SCN8A: variants seen among roughly 807,000 people sequenced by gnomAD.
SCN8A encodes sodium channel protein type 8 subunit alpha.
In SCN8A, 30 loss-of-function variants were observed where a neutral mutation model predicts 184.1. The observed-to-expected ratio is 0.16, with a 90% CI of 0.12 to 0.22. SCN8A has a LOEUF of 0.22. SCN8A is among the 10% of genes least tolerant of loss of function. SCN8A has a pLI of 1.00. For missense variants in SCN8A, 1,057 were observed against 2,498.9 expected (o/e 0.42, Z 12.30); for synonymous variants, 852 against 907.0 (o/e 0.94, Z 1.09).
intron 11 of SCN8A, among the ~76,000 whole-genome samples, chr12:51,720,319 G>T (rs1942032596): frequency 1.3e-5 from 2 of 150,682 alleles, no homozygotes; most frequent in Non-Finnish European, 2.9e-5. Context: ...CATGGATGAG[G>T]CTGGAAACCA....
At chr12:51,738,361 T>C (rs576261734) in intron 12 of SCN8A, among the ~76,000 whole-genome samples, 1 of 152,280 alleles carries the variant, frequency 6.6e-6, no homozygotes, top group South Asian at 2.1e-4. Context: ...ATAACTACTT[T>C]GATATACTTC....
chr12:51,627,948 T>C (rs1940116115), intron 1 of SCN8A, among the ~76,000 whole-genome samples: 1 of 152,166 alleles, frequency 6.6e-6, no homozygotes, highest in East Asian at 1.9e-4. Flanking sequence ...ACTTGTTGAA[T>C]GTGTAGAACA....
intron 2 of SCN8A, among the ~76,000 whole-genome samples, chr12:51,681,579 T>C (rs573989920): frequency 7.9e-5 from 12 of 152,196 alleles, no homozygotes; most frequent in Non-Finnish European, 1.6e-4. Flanking sequence ...CTCGATATGT[T>C]TCAGATGAAC....
At chr12:51,646,009 TAAAAA>T (rs11307011) in intron 1 of SCN8A, among the ~76,000 whole-genome samples, 8 of 123,422 alleles carry the variant, frequency 6.5e-5, no homozygotes, top group African/African-American at 2.1e-4. Flanking sequence ...AAGATAAAAG[TAAAAA>T]AAAAAAAAAA....
Position 51,806,202 on chromosome 12 carries a change from C to T in SCN8A, c.4796-80C>T. On this transcript the variant is annotated intron_variant, in intron 26 of 26. Transcript: ENST00000627620. The surrounding 1 kb of genome is among the most constrained non-coding windows in gnomAD (Gnocchi z 8.7). ...GCAAAGCCCTTTGAACCTAAGGGTT[C>T]CACAATGCCAGGTAAAAAAAATAAA... is the stretch of plus-strand genomic sequence containing the variant. 7.5e-7 allele frequency: 1 copy of T among 1,331,190 alleles called. No homozygotes were observed. Among genetic ancestry groups the T allele is most frequent in the Non-Finnish European group, 1.0e-6 (1 of 980,862 alleles). The allele number at this position is 1,331,190 out of a possible 1,614,324, so 82.5% of individuals were successfully genotyped here.
intron 1 of SCN8A, among the ~76,000 whole-genome samples, chr12:51,615,386 C>A (rs1364307245): frequency 6.6e-6 from 1 of 152,100 alleles, no homozygotes; most frequent in East Asian, 1.9e-4. Context: ...AAAACCCTAT[C>A]CCTACAAAAA....
intron 25 of SCN8A, among the ~76,000 whole-genome samples, chr12:51,793,394 A>G (rs1938320281): frequency 1.3e-5 from 2 of 152,128 alleles, no homozygotes; most frequent in Admixed American, 6.6e-5. Flanking sequence ...TTTGGACTTA[A>G]CTGTGAGAGG....
intron 18 of SCN8A, chr12:51,770,240 C>T: frequency 1.7e-6 from 1 of 592,020 alleles, no homozygotes; most frequent in Non-Finnish European, 3.0e-6. Context: ...ATTAGAATGT[C>T]CTGTTCTGTC....
At chr12:51,693,318 A>G (rs980287152) in intron 6 of SCN8A, among the ~76,000 whole-genome samples, 1 of 152,190 alleles carries the variant, frequency 6.6e-6, no homozygotes, top group Admixed American at 6.5e-5. Context: ...CAGTGGTCCT[A>G]AGTGAAAAAA....
chr12:51,645,044 C>A (rs566830659), intron 1 of SCN8A, among the ~76,000 whole-genome samples: 14 of 151,558 alleles, frequency 9.2e-5, no homozygotes, highest in Non-Finnish European at 1.5e-4. Flanking sequence ...GTCAGCCCCC[C>A]ACCCGGCCAG....
intron 1 of SCN8A, among the ~76,000 whole-genome samples, chr12:51,649,939 T>G (rs1940672961): frequency 2.0e-5 from 3 of 152,232 alleles, no homozygotes; most frequent in Admixed American, 1.3e-4. Flanking sequence ...TACTCTCAGC[T>G]TCCCTTATAA....
intron 1 of SCN8A, among the ~76,000 whole-genome samples, chr12:51,654,040 C>T (rs1166295148): frequency 6.6e-6 from 1 of 152,012 alleles, no homozygotes; most frequent in Non-Finnish European, 1.5e-5. Flanking sequence ...CTATTTTTAA[C>T]TGGGTTTTGT....
intron 1 of SCN8A, among the ~76,000 whole-genome samples, chr12:51,613,676 G>A (rs77430639): frequency 0.099 from 15,044 of 151,832 alleles, 903 homozygotes; most frequent in South Asian, 0.23. Flanking sequence ...TGGAAACTTG[G>A]ATTGTTGATT....
Position 51,761,645 on chromosome 12 carries a change from C to T in SCN8A, c.2371-858C>T, listed in dbSNP as rs1048797564. 3.3e-5 allele frequency among the ~76,000 whole-genome samples: 5 copies of T among 151,800 alleles called. No homozygotes were observed. The East Asian group carries it at 5.8e-4, about 18-fold the overall frequency. On this transcript the variant is annotated intron_variant, in intron 14 of 26. Transcript: ENST00000627620. ...CTGGTACCATAGGCGCCCACCACCA[C>T]GCCCAACTAATTTTTGTATTTTTTG... is the stretch of plus-strand genomic sequence containing the variant.
Position 51,807,253 on chromosome 12 carries a change from A to C in SCN8A, c.5767A>C (p.Asn1923His). ...CTTCATCTGCAAAAAGACAACTTCT[A>C]ATAAGCTGGAGAATGGAGGCACACA... ...RGFICKKTTS[N>H]KLENGGTHRE... The change falls in exon 27 of 27, where the codon AAT becomes CAT. Residue 1923 changes from asparagine (N) to histidine (H), a missense_variant. Asn to His is a moderately conservative substitution (Grantham distance 68). This residue lies in a region of SCN8A where 95 missense variants were observed against 140.2 expected (regional missense o/e 0.68). Coordinates refer to ENST00000627620, the MANE Select transcript of SCN8A (RefSeq NM_001330260.2). The surrounding 1 kb of genome is among the most constrained non-coding windows in gnomAD (Gnocchi z 4.5). 6.2e-7 allele frequency: 1 copy of C among 1,613,984 alleles called. No homozygotes were observed. Among genetic ancestry groups the C allele is most frequent in the Non-Finnish European group, 8.5e-7 (1 of 1,179,886 alleles).
intron 22 of SCN8A, among the ~76,000 whole-genome samples, chr12:51,788,095 T>C (rs908506157): frequency 1.2e-4 from 18 of 152,200 alleles, no homozygotes; most frequent in African/African-American, 4.3e-4. Context: ...GTACATGGAT[T>C]ATCCATATTT....
chr12:51,619,963 T>G (rs1267127157), intron 1 of SCN8A, among the ~76,000 whole-genome samples: 1 of 152,218 alleles, frequency 6.6e-6, no homozygotes, highest in African/African-American at 2.4e-5. Flanking sequence ...TTTACTGTAC[T>G]GATGTACTGA....
intron 2 of SCN8A, among the ~76,000 whole-genome samples, chr12:51,683,099 C>T (rs775281910): frequency 1.4e-4 from 21 of 152,176 alleles, no homozygotes; most frequent in Non-Finnish European, 1.3e-4. Context: ...AAATCTCTCC[C>T]TCCTGCTGCC....
At chr12:51,780,112 C>T (rs942420774) in intron 20 of SCN8A, 7 of 368,278 alleles carry the variant, frequency 1.9e-5, no homozygotes, top group African/African-American at 4.3e-5. Flanking sequence ...AGTAAAAGAG[C>T]TTGTCCCTCT....
Sources: allele counts gnomAD v4.1 joint callset (sites outside exome capture counted in the v4.1 genomes callset), GRCh38; gene constraint gnomAD v4.1.1; regional missense constraint gnomAD v4.1.1; non-coding constraint Gnocchi (gnomAD v3.1); transcripts MANE v1.5; gene names NCBI Gene and HGNC (gene_info 2026-07-23, HGNC 2026-07-21).